MAK16: variants seen among roughly 807,000 people sequenced by gnomAD.
MAK16 encodes the protein protein MAK16 homolog.
In MAK16, 12 loss-of-function variants were observed where a neutral mutation model predicts 49.9. The ratio of observed to expected loss-of-function variants is 0.24; its 90% CI spans 0.15 to 0.39. MAK16 has a LOEUF of 0.39. Ranked by LOEUF, MAK16 falls within the 10% of genes least tolerant of loss-of-function variation. The pLI is 1.00. For missense variants in MAK16, 292 were observed against 363.7 expected (o/e 0.80, Z 1.60); for synonymous variants, 115 against 126.4 (o/e 0.91, Z 0.60).
At chr8:33,486,533 CAGAG>C (rs1200963782) in intron 1 of MAK16, among the ~76,000 whole-genome samples, 3 of 152,210 alleles carry the variant, frequency 2.0e-5, no homozygotes, top group Admixed American at 6.5e-5. Context: ...GCCTGGGTGA[CAGAG>C]AGACCCTATC....
At chr8:33,495,501 G>A in intron 6 of MAK16, 41 bp from the exon 7 acceptor site, 2 of 1,509,264 alleles carry the variant, frequency 1.3e-6, no homozygotes, top group Admixed American at 1.7e-5. Flanking sequence ...TGAGTAATGA[G>A]CACTGATGAA....
At chr8:33,488,250 T>G (rs1808719000) in intron 1 of MAK16, 128 bp from the exon 2 acceptor site, 1 of 1,056,926 alleles carries the variant, frequency 9.5e-7, no homozygotes, top group African/African-American at 1.6e-5. Flanking sequence ...TTTTAAAAAG[T>G]AAACAAGTCA....
At position 33,496,647 on chromosome 8, in the gene MAK16, C is replaced by A. The variant is rs773560625; in HGVS notation, c.545C>A (p.Pro182His). 2.3e-5 allele frequency: 37 copies of A among 1,613,070 alleles called. No homozygotes were observed. Among genetic ancestry groups the A allele is most frequent in the Non-Finnish European group, 3.1e-5 (37 of 1,179,536 alleles). ...CAGTATGGCGACATCTACAACTTCC[C>A]CATTCATGCCTTCGACAAAGCCCTG... ...QDTYGDIYNF[P>H]IHAFDKALEQ... The change falls in exon 8 of 10, where the codon CCC (proline) becomes CAC (histidine). Residue 182 changes from proline (P) to histidine (H), a missense_variant. Transcript: ENST00000360128.
chr8:33,487,110 G>A (rs554733035), intron 1 of MAK16, among the ~76,000 whole-genome samples: 2 of 152,074 alleles, frequency 1.3e-5, no homozygotes, highest in Non-Finnish European at 1.5e-5. Context: ...TCAAGGCAGC[G>A]CACTCAAAGG....
chr8:33,500,369 A>T lies in MAK16; in HGVS notation c.*1740A>T. 6.2e-7 allele frequency: 1 copy of T among 1,614,206 alleles called. No homozygotes were observed. On this transcript the variant is annotated 3_prime_UTR_variant, in exon 10 of 10. Transcript: ENST00000360128. ...GAACAGCGGTCCAGGAGAATCAGGCAGTCTGTGGCCTCCTGTAGCAGGGCG... is the reference window on the plus strand; with the variant it reads ...GAACAGCGGTCCAGGAGAATCAGGCTGTCTGTGGCCTCCTGTAGCAGGGCG...
rs551989222 is a variant in MAK16 at position 33,487,921 on chromosome 8, TTTTTG to T, written c.16-436_16-432del. On this transcript the variant is annotated intron_variant, in intron 1 of 9. Coordinates refer to ENST00000360128, the MANE Select transcript of MAK16 (RefSeq NM_032509.4). ...CTTTTCTATAAGAATCTGCTGGGCTTTTTTGTTTTGTTTTGTTTTGTTTTGAGACG... is the reference window on the plus strand; with the variant it reads ...CTTTTCTATAAGAATCTGCTGGGCTTTTTTGTTTTGTTTTGTTTTGAGACG... 1.1e-4 allele frequency among the ~76,000 whole-genome samples: 17 copies of T among 152,086 alleles called. No homozygotes were observed. The East Asian group carries it at 1.2e-3, about 10-fold the overall frequency.
chr8:33,497,148 A>G (rs948456328), intron 8 of MAK16, 84 bp from the exon 9 acceptor site: 1 of 1,002,822 alleles, frequency 1.0e-6, no homozygotes, highest in African/African-American at 1.6e-5. Context: ...TGTGGTTCTC[A>G]TTATGTTATT....
chr8:33,500,208 A>G lies in MAK16; in HGVS notation c.*1579A>G, dbSNP rs1040531103. 2.5e-6 allele frequency: 3 copies of G among 1,179,636 alleles called. No homozygotes were observed. The East Asian group carries it at 7.4e-5, about 29-fold the overall frequency. The allele number at this position is 1,179,636 out of a possible 1,614,324, so 73.1% of individuals were successfully genotyped here. ...GGCTAGAGGGCTCATATGGAGATCT[A>G]AAACCCTCCATGTTCATTTCCAGAC... On this transcript the variant is annotated 3_prime_UTR_variant, in exon 10 of 10. Coordinates refer to ENST00000360128, the MANE Select transcript of MAK16 (RefSeq NM_032509.4).
Position 33,489,265 on chromosome 8 carries a change from G to GTTTCTCTTTAGTAC in MAK16, c.392+126_392+127insTTTCTCTTTAGTAC. 1.2e-6 allele frequency: 1 copy of GTTTCTCTTTAGTAC among 812,732 alleles called. No individual in the cohort carries two copies. The highest frequency in any genetic ancestry group is 1.9e-6 in the Non-Finnish European group (1 of 524,796). 50.3% of individuals were successfully genotyped at this position (812,732 alleles called of 1,614,324 possible). On this transcript the variant is annotated intron_variant, in intron 5 of 9. Transcript: ENST00000360128. The surrounding 1 kb of genome is among the most constrained non-coding windows in gnomAD (Gnocchi z 4.2). ...GTGGAGTCTGTTATGATGTACTAAA[G>GTTTCTCTTTAGTAC]AGAAACTTTAGCTTTGACTAAAGGT...
At chr8:33,496,917 AAC>A (rs1214220687) in intron 8 of MAK16, among the ~76,000 whole-genome samples, 176 bp downstream of exon 8, 10 of 152,324 alleles carry the variant, frequency 6.6e-5, no homozygotes, top group Non-Finnish European at 2.9e-5. Context: ...ACAAACCATT[AAC>A]AATTTTAGTC....
chr8:33,499,103 TTAAA>T lies in MAK16; in HGVS notation c.*478_*481del, dbSNP rs1027071797. The T allele has an allele frequency of 2.3e-6, 3 of 1,291,186 alleles. No homozygotes were observed. Among genetic ancestry groups the T allele is most frequent in the Non-Finnish European group, 3.4e-6 (3 of 891,388 alleles). The allele number at this position is 1,291,186 out of a possible 1,614,324, so 80.0% of individuals were successfully genotyped here. Reference sequence around the variant, plus strand: ...TTTCGTGTAAAAATATCTTTTTTTCTTAAATAACTCCATTCATACAAATTGGGAT... The same window carrying T: ...TTTCGTGTAAAAATATCTTTTTTTCTTAACTCCATTCATACAAATTGGGAT... On this transcript the variant is annotated 3_prime_UTR_variant, in exon 10 of 10. Transcript: ENST00000360128.
At chr8:33,497,360 A>C in intron 9 of MAK16, 63 bp downstream of exon 9, 4 of 1,185,184 alleles carry the variant, frequency 3.4e-6, no homozygotes, top group Admixed American at 2.1e-5. Context: ...AAAAACAAAA[A>C]CAGGGAGGTG....
At position 33,499,507 on chromosome 8, in the gene MAK16, A is replaced by G. The variant is rs1439328427; in HGVS notation, c.*878A>G. ...TAAAAACTGTGTTAATGTACTTGCA[A>G]ATCTCCTGCTGGCTCATGAAACAGC... On this transcript the variant is annotated 3_prime_UTR_variant, in exon 10 of 10. Transcript: ENST00000360128. 6.9e-6 allele frequency: 3 copies of G among 435,994 alleles called. No individual in the cohort carries two copies. The highest frequency in any genetic ancestry group is 4.3e-5 in the East Asian group (1 of 23,306). The allele number at this position is 435,994 out of a possible 1,614,324, so 27.0% of individuals were successfully genotyped here.
Position 33,500,378 on chromosome 8 carries a change from C to T in MAK16, c.*1749C>T, listed in dbSNP as rs771891866. 6 of 1,614,168 alleles carry T rather than the reference C, an allele frequency of 3.7e-6. No homozygotes were observed. The highest frequency in any genetic ancestry group is 1.6e-4 in the Middle Eastern group (1 of 6,062). On this transcript the variant is annotated 3_prime_UTR_variant, in exon 10 of 10. Coordinates refer to ENST00000360128, the MANE Select transcript of MAK16 (RefSeq NM_032509.4). ...TCCAGGAGAATCAGGCAGTCTGTGG[C>T]CTCCTGTAGCAGGGCGCTCTTAACA...
At chr8:33,496,314 CTTA>C (rs1178569002) in intron 7 of MAK16, among the ~76,000 whole-genome samples, 1 of 151,950 alleles carries the variant, frequency 6.6e-6, no homozygotes, top group African/African-American at 2.4e-5. Flanking sequence ...ATGCTTTTTC[CTTA>C]TTATTTCCCC....
At position 33,501,185 on chromosome 8, in the gene MAK16, A is replaced by T. The variant is rs1809063886; in HGVS notation, c.*2556A>T. 6.6e-6 allele frequency: 1 copy of T among 152,250 alleles called. No individual in the cohort carries two copies. Among genetic ancestry groups the T allele is most frequent in the African/African-American group, 2.4e-5 (1 of 41,462 alleles). 9.4% of individuals were successfully genotyped at this position (152,250 alleles called of 1,614,324 possible). A position where few individuals can be genotyped will look rare whatever the true frequency, so the allele number is the denominator to read the frequency against. ...AACAAAAAACCCTAAAAAAACTTTA[A>T]TGAAAGGTGGAAAATAATTTAACTT... On this transcript the variant is annotated 3_prime_UTR_variant, in exon 10 of 10. Coordinates refer to ENST00000360128, the MANE Select transcript of MAK16 (RefSeq NM_032509.4).
chr8:33,489,187 G>A lies in MAK16; in HGVS notation c.392+48G>A. On this transcript the variant is annotated intron_variant, in intron 5 of 9. Coordinates refer to ENST00000360128, the MANE Select transcript of MAK16 (RefSeq NM_032509.4). This position sits in a 1 kb window ranked among gnomAD's most constrained non-coding sequence, Gnocchi z 4.2. ...ATTTTTAAATCTCTCTTTTTATGGA[G>A]CTTGTTTTGAAGTTGAGAAATTGTG... The A allele has an allele frequency of 6.5e-7, 1 of 1,549,250 alleles. No homozygotes were observed. The highest frequency in any genetic ancestry group is 1.2e-5 in the South Asian group (1 of 85,880).
At chr8:33,485,605 C>G (rs1470163791) in intron 1 of MAK16, 3 of 313,196 alleles carry the variant, frequency 9.6e-6, no homozygotes, top group Non-Finnish European at 1.2e-5. Context: ...TCCATGTGCG[C>G]GTTACTCTTC....
rs1487386488 is a variant in MAK16, at chr8:33,489,377, T to C, written c.392+238T>C. 3 of 449,080 alleles carry C rather than the reference T, an allele frequency of 6.7e-6. No individual in the cohort carries two copies. Among genetic ancestry groups the C allele is most frequent in the African/African-American group, 6.1e-5 (3 of 49,284 alleles). The allele number at this position is 449,080 out of a possible 1,614,324, so 27.8% of individuals were successfully genotyped here. A position where few individuals can be genotyped will look rare whatever the true frequency, so the allele number is the denominator to read the frequency against. The stretch of plus-strand genomic sequence containing the variant: ...TGTCTGAAAATCTTTCAGAAAATTT[T>C]ATTTTCTTTTTTGTTAAGACGGAGT... On this transcript the variant is annotated intron_variant, in intron 5 of 9. Transcript: ENST00000360128. This position sits in a 1 kb window ranked among gnomAD's most constrained non-coding sequence, Gnocchi z 4.2.
Sources: gnomAD v4.1 joint callset for allele counts (sites outside exome capture counted in the v4.1 genomes callset) on GRCh38, gnomAD v4.1.1 for gene constraint, Gnocchi (gnomAD v3.1) non-coding constraint, MANE v1.5 for transcripts, NCBI Gene and HGNC (gene_info 2026-07-23, HGNC 2026-07-21) for gene names.